The following COG6 variants were observed in gnomAD, a reference collection of about 807,000 sequenced individuals.
COG6 encodes component of oligomeric golgi complex 6.
COG6 carries 74 observed loss-of-function variants against 88.8 expected under a neutral mutation model. The observed-to-expected ratio is 0.83, with a 90% CI of 0.69 to 1.01. The LOEUF (loss-of-function observed/expected upper bound fraction) is 1.01, where lower values mean the gene tolerates loss of function less well. Ranked by LOEUF, COG6 falls within the 50% of genes least tolerant of loss-of-function variation. COG6 has a pLI of 0.00. For missense variants in COG6, 800 were observed against 797.9 expected, an observed-to-expected ratio of 1.00 and a Z score of -0.03; for synonymous variants, 286 against 278.7, an observed-to-expected ratio of 1.03 and a Z score of -0.26.
intron 4 of COG6, among the ~76,000 whole-genome samples, chr13:39,671,283 T>G (rs1349123658): frequency 1.3e-5 from 2 of 151,890 alleles, no homozygotes; most frequent in African/African-American, 4.8e-5. Context: ...AAAAGTTGGG[T>G]TTGGAGATGG....
chr13:39,786,241 C>G (rs1376881307), intron 18 of COG6, among the ~76,000 whole-genome samples: 1 of 152,158 alleles, frequency 6.6e-6, no homozygotes, highest in East Asian at 1.9e-4. Flanking sequence ...GAGAAATTTC[C>G]CTCTCCAGGA....
At chr13:39,716,914 T>C (rs1002848518) in intron 13 of COG6, among the ~76,000 whole-genome samples, 1 of 152,190 alleles carries the variant, frequency 6.6e-6, no homozygotes, top group African/African-American at 2.4e-5. Context: ...AAAACTGTCT[T>C]TTATAGTTAT....
rs765226879 is a variant in COG6, at chr13:39,751,445, T to C, written c.*352T>C. 1.6e-6 allele frequency: 2 copies of C among 1,262,218 alleles called. No individual in the cohort carries two copies. Among genetic ancestry groups the C allele is most frequent in the East Asian group, 5.4e-5 (1 of 18,534 alleles). The allele number at this position is 1,262,218 out of a possible 1,614,324, so 78.2% of individuals were successfully genotyped here. ...TCTAAATTAACAGCTTATAAAAAAT[T>C]TGTCTAAATTTAATAATTAGTATAA... On this transcript the variant is annotated 3_prime_UTR_variant, in exon 19 of 19. Coordinates refer to ENST00000455146, the MANE Select transcript of COG6 (RefSeq NM_020751.3).
At chr13:39,667,976 T>G (rs1464488552) in intron 4 of COG6, among the ~76,000 whole-genome samples, 2 of 152,236 alleles carry the variant, frequency 1.3e-5, no homozygotes, top group East Asian at 3.8e-4. Flanking sequence ...GCAAGAATTT[T>G]CTATCCCTTA....
At chr13:39,685,294 C>G (rs943591944) in intron 8 of COG6, among the ~76,000 whole-genome samples, 1 of 152,112 alleles carries the variant, frequency 6.6e-6, no homozygotes, top group East Asian at 1.9e-4. Context: ...TGATTTTGGT[C>G]AAAGACTTTT....
rs1273648034 is a variant in COG6 at position 39,752,404 on chromosome 13, T to C, written c.*1311T>C. 4.9e-6 allele frequency: 5 copies of C among 1,019,146 alleles called. No individual in the cohort carries two copies. The highest frequency in any genetic ancestry group is 6.5e-6 in the Non-Finnish European group (5 of 764,492). 63.1% of individuals were successfully genotyped at this position (1,019,146 alleles called of 1,614,324 possible). ...TGGAGTAAGAATGATTATATAATCG[T>C]TATCCATTTGGGTATAAATCTGTAT... On this transcript the variant is annotated 3_prime_UTR_variant, in exon 19 of 19. Transcript: ENST00000455146.
At position 39,751,227 on chromosome 13, in the gene COG6, A is replaced by AG; in HGVS notation, c.*134_*135insG. 8.1e-7 allele frequency: 1 copy of AG among 1,232,212 alleles called. No individual in the cohort carries two copies. The highest frequency in any genetic ancestry group is 1.1e-6 in the Non-Finnish European group (1 of 909,120). The allele number at this position is 1,232,212 out of a possible 1,614,324, so 76.3% of individuals were successfully genotyped here. On this transcript the variant is annotated 3_prime_UTR_variant, in exon 19 of 19. Transcript: ENST00000455146. ...TATCATAAGATTGTAAGTCCCGATA[A>AG]TTTTTTTTTTTTTGGTCTCAGTAAC...
chr13:39,745,907 A>G (rs1880318388), intron 18 of COG6, among the ~76,000 whole-genome samples: 1 of 152,204 alleles, frequency 6.6e-6, no homozygotes, highest in African/African-American at 2.4e-5. Flanking sequence ...GCAGCCATAA[A>G]AAAGGATGAG....
At chr13:39,756,501 A>C (rs554545942), downstream of COG6, among the ~76,000 whole-genome samples, 10 of 152,334 alleles carry the variant, frequency 6.6e-5, no homozygotes, top group Non-Finnish European at 1.0e-4. Context: ...AATTTGGTGT[A>C]AAACATTACA....
intron 14 of COG6, 44 bp downstream of exon 14, chr13:39,719,411 A>G (rs369391963): frequency 3.6e-5 from 57 of 1,581,350 alleles, no homozygotes; most frequent in Non-Finnish European, 4.7e-5. Flanking sequence ...TTGCTCTTCT[A>G]TTGTACACTG....
chr13:39,730,961 A>G (rs1879413042), intron 18 of COG6, among the ~76,000 whole-genome samples: 1 of 151,368 alleles, frequency 6.6e-6, no homozygotes, highest in Non-Finnish European at 1.5e-5. Context: ...AGTTGGGACT[A>G]CAGGTGCATG....
intron 18 of COG6, among the ~76,000 whole-genome samples, chr13:39,774,893 A>G (rs534830531): frequency 6.6e-6 from 1 of 152,288 alleles, no homozygotes; most frequent in South Asian, 2.1e-4. Flanking sequence ...TTCAAAGTTT[A>G]TATTTTCACA....
intron 4 of COG6, among the ~76,000 whole-genome samples, chr13:39,668,861 G>A (rs9603592): frequency 0.21 from 32,323 of 151,908 alleles, 3,561 homozygotes; most frequent in East Asian, 0.28. Flanking sequence ...TCTGCCAAAG[G>A]TAACATTTTA....
At chr13:39,715,587 G>C (rs549106700) in intron 13 of COG6, among the ~76,000 whole-genome samples, 3 of 151,972 alleles carry the variant, frequency 2.0e-5, no homozygotes, top group African/African-American at 7.2e-5. Context: ...AAAAATTTGA[G>C]TATCTTCAGT....
intron 18 of COG6, among the ~76,000 whole-genome samples, chr13:39,729,237 G>A (rs1248697868): frequency 4.6e-5 from 7 of 152,106 alleles, no homozygotes; most frequent in East Asian, 1.9e-4. Context: ...TGTGAACTGC[G>A]CCTGGAAGGA....
intron 7 of COG6, among the ~76,000 whole-genome samples, 195 bp downstream of exon 7, chr13:39,680,240 T>A (rs1197038639): frequency 6.6e-6 from 1 of 152,178 alleles, no homozygotes; most frequent in Non-Finnish European, 1.5e-5. Flanking sequence ...AAAAATATTT[T>A]AAAAAAGAAA....
chr13:39,762,683 G>A (rs1881053054), intron 18 of COG6, among the ~76,000 whole-genome samples: 1 of 150,946 alleles, frequency 6.6e-6, no homozygotes, highest in South Asian at 2.1e-4. Flanking sequence ...ATAATAGATC[G>A]AGGCACCTTC....
intron 18 of COG6, among the ~76,000 whole-genome samples, chr13:39,760,991 G>A (rs1410846618): frequency 6.6e-6 from 1 of 151,334 alleles, no homozygotes; most frequent in African/African-American, 2.4e-5. Flanking sequence ...GCTTTCTGCT[G>A]TTCCACAAAT....
At position 39,717,391 on chromosome 13, in the gene COG6, T is replaced by C. The variant is rs185294649; in HGVS notation, c.1285-1845T>C. On this transcript the variant is annotated intron_variant, in intron 13 of 18. Transcript: ENST00000455146. ...TTGGTAATCTTTCTGTCATTGTTTC[T>C]TCACTGCCTTTTTTTCTTTGTTCTT... is the stretch of plus-strand genomic sequence containing the variant. Among the ~76,000 whole-genome samples the C allele has an allele frequency of 1.9e-3, 291 of 152,280 alleles. 3 individuals carry two copies. The highest frequency in any genetic ancestry group is 9.4e-4 in the Non-Finnish European group (64 of 68,020).
Sources: gnomAD v4.1 joint callset for allele counts (sites outside exome capture counted in the v4.1 genomes callset) on GRCh38, gnomAD v4.1.1 for gene constraint, MANE v1.5 for transcripts, NCBI Gene and HGNC (gene_info 2026-07-23, HGNC 2026-07-21) for gene names.